Variants in CDC42SE2 observed in about 807,000 individuals in gnomAD.
CDC42SE2 encodes the protein CDC42 small effector 2, also known as CDC42 small effector protein 2.
CDC42SE2 carries 3 observed loss-of-function variants against 11.5 expected under a neutral mutation model. The observed-to-expected ratio is 0.26, with a 90% CI of 0.12 to 0.67. The LOEUF is 0.67. CDC42SE2 is among the 30% of genes least tolerant of loss of function. The pLI, the probability that CDC42SE2 is intolerant of heterozygous loss-of-function variation, is 0.80. For synonymous variants in CDC42SE2, 33 were observed against 34.8 expected, an observed-to-expected ratio of 0.95 and a Z score of 0.18; for missense variants, 82 against 106.8, an observed-to-expected ratio of 0.77 and a Z score of 1.02.
upstream of CDC42SE2, chr5:131,263,696 G>C (rs1756782193): frequency 7.6e-6 from 1 of 131,168 alleles, no homozygotes; most frequent in Non-Finnish European, 1.6e-5. Flanking sequence ...TCCTCCGCAC[G>C]GATGTCCGCG....
chr5:131,259,359 A>G (rs1240327156), upstream of CDC42SE2, among the ~76,000 whole-genome samples: 5 of 152,232 alleles, frequency 3.3e-5, no homozygotes, highest in Admixed American at 3.3e-4. Flanking sequence ...TATGCCTGTT[A>G]TATCTTTAGG....
rs190535183 is a variant in CDC42SE2 at position 131,282,636 on chromosome 5, T to A, written c.-455+18470T>A. ...CACATAAAAAATCACCTTTTTAAAA[T>A]TATTATTATTGAGATGGAATCTTGC... On this transcript the variant is annotated intron_variant, in intron 1 of 4. Coordinates refer to ENST00000505065, the MANE Select transcript of CDC42SE2 (RefSeq NM_001375635.1). Among the ~76,000 whole-genome samples the A allele has an allele frequency of 9.2e-5, 14 of 152,186 alleles. No individual in the cohort carries two copies. In the East Asian group the frequency reaches 2.7e-3, roughly 29 times the overall value.
intron 3 of CDC42SE2, among the ~76,000 whole-genome samples, chr5:131,379,430 G>A (rs1750255675): frequency 1.3e-5 from 2 of 152,190 alleles, no homozygotes; most frequent in South Asian, 2.1e-4. Context: ...TTTTCTAGAA[G>A]CTACAGTTGA....
intron 2 of CDC42SE2, among the ~76,000 whole-genome samples, chr5:131,347,797 T>TACCACG (rs1328995758): frequency 2.6e-5 from 4 of 152,216 alleles, no homozygotes; most frequent in Admixed American, 6.5e-5. Context: ...AAAGCTTATG[T>TACCACG]ACCACGATCA....
At chr5:131,358,515 C>G (rs1248569065) in intron 2 of CDC42SE2, among the ~76,000 whole-genome samples, 1 of 152,178 alleles carries the variant, frequency 6.6e-6, no homozygotes, top group Non-Finnish European at 1.5e-5. Context: ...AGGTTTAACT[C>G]TTTGTCCAAC....
At chr5:131,339,325 A>G (rs1758653740) in intron 2 of CDC42SE2, among the ~76,000 whole-genome samples, 1 of 150,450 alleles carries the variant, frequency 6.6e-6, no homozygotes, top group Admixed American at 6.6e-5. Flanking sequence ...AACAGTTTCT[A>G]TGGTAAGATA....
At chr5:131,335,077 C>A (rs946329161) in intron 2 of CDC42SE2, among the ~76,000 whole-genome samples, 5 of 151,880 alleles carry the variant, frequency 3.3e-5, no homozygotes, top group African/African-American at 9.7e-5. Flanking sequence ...AATTTTAGAT[C>A]TTTCCTGCTT....
At position 131,393,217 on chromosome 5, in the gene CDC42SE2, T is replaced by TA. The variant is rs1750719386; in HGVS notation, c.*2126_*2127insA. ...CTTGGAATAAAGGAACAGGGATCAC[T>TA]TTATCTTCTGCCTTCATTTACCTTA... On this transcript the variant is annotated 3_prime_UTR_variant, in exon 5 of 5. Coordinates refer to ENST00000505065, the MANE Select transcript of CDC42SE2 (RefSeq NM_001375635.1). 1 of 152,376 alleles carries TA rather than the reference T, an allele frequency of 6.6e-6. No homozygotes were observed. The highest frequency in any genetic ancestry group is 2.1e-4 in the South Asian group (1 of 4,834). 9.4% of individuals were successfully genotyped at this position (152,376 alleles called of 1,614,324 possible).
At chr5:131,260,076 T>C (rs1028162573), upstream of CDC42SE2, among the ~76,000 whole-genome samples, 1 of 152,256 alleles carries the variant, frequency 6.6e-6, no homozygotes, top group East Asian at 1.9e-4. Flanking sequence ...CAGCACAGCC[T>C]GTTCCAAGGC....
intron 2 of CDC42SE2, among the ~76,000 whole-genome samples, chr5:131,316,670 T>C (rs1002564735): frequency 6.6e-6 from 1 of 152,192 alleles, no homozygotes; most frequent in African/African-American, 2.4e-5. Context: ...GTAGATGTGA[T>C]GTGTGGAAGT....
intron 1 of CDC42SE2, among the ~76,000 whole-genome samples, chr5:131,292,906 CAAAAAAAAAAAAAA>C (rs869300653): frequency 1.7e-5 from 1 of 58,914 alleles, no homozygotes; most frequent in Non-Finnish European, 2.7e-5. Context: ...GACCCTGTCT[CAAAAAAAAAAAAAA>C]AAAAAAAAAA....
chr5:131,392,526 A>T lies in CDC42SE2; in HGVS notation c.*1435A>T, dbSNP rs996281749. 1 of 152,076 alleles carries T rather than the reference A, an allele frequency of 6.6e-6. No homozygotes were observed. The highest frequency in any genetic ancestry group is 2.4e-5 in the African/African-American group (1 of 41,406). The allele number at this position is 152,076 out of a possible 1,614,324, so 9.4% of individuals were successfully genotyped here. On this transcript the variant is annotated 3_prime_UTR_variant, in exon 5 of 5. Transcript: ENST00000505065. ...GAAGTATGACCTTTTGGTCTGTTTGATTGATTGATTAGAATTGCAATAAAA... is the reference window on the plus strand; with the variant it reads ...GAAGTATGACCTTTTGGTCTGTTTGTTTGATTGATTAGAATTGCAATAAAA...
the CDC42SE2 span, among the ~76,000 whole-genome samples, chr5:131,216,361 G>A: frequency 6.6e-6 from 1 of 152,018 alleles, no homozygotes; most frequent in South Asian, 2.1e-4. Flanking sequence ...TATTAGCCGG[G>A]CATGGTGGTG....
chr5:131,210,658 AC>A, the CDC42SE2 span, among the ~76,000 whole-genome samples: 1 of 151,894 alleles, frequency 6.6e-6, no homozygotes, highest in Non-Finnish European at 1.5e-5. Context: ...TGGCTAATCC[AC>A]CTTTTCTTTA....
chr5:131,269,646 C>T (rs1356774058), intron 1 of CDC42SE2, among the ~76,000 whole-genome samples: 1 of 152,124 alleles, frequency 6.6e-6, no homozygotes, highest in Non-Finnish European at 1.5e-5. Context: ...TGCCTGTAAT[C>T]CCAGCTACTT....
At chr5:131,308,205 C>G (rs998708084) in intron 1 of CDC42SE2, among the ~76,000 whole-genome samples, 1 of 152,104 alleles carries the variant, frequency 6.6e-6, no homozygotes, top group Non-Finnish European at 1.5e-5. Flanking sequence ...ATAGGGAATC[C>G]TTTCCCCATT....
intron 1 of CDC42SE2, among the ~76,000 whole-genome samples, chr5:131,280,199 T>C (rs756799674): frequency 5.9e-5 from 9 of 152,230 alleles, no homozygotes; most frequent in Non-Finnish European, 1.3e-4. Flanking sequence ...TTTCTTACCC[T>C]TTAACTGAAA....
chr5:131,342,388 C>CTTTTTTTTTTTTTTTTTTT lies in CDC42SE2; in HGVS notation c.-285-16820_-285-16802dup, dbSNP rs35818778. 2.6e-4 allele frequency among the ~76,000 whole-genome samples: 29 copies of CTTTTTTTTTTTTTTTTTTT among 111,304 alleles called. 6 individuals carry two copies. The highest frequency in any genetic ancestry group is 1.2e-3 in the African/African-American group (27 of 22,568). 73.0% of individuals were successfully genotyped at this position (111,304 alleles called of 152,430 possible). ...TCAGAGATTTGCCATTTTTAATAGT[C>CTTTTTTTTTTTTTTTTTTT]TTTTTTTTTTTTTTTTTTTAAGATA... On this transcript the variant is annotated intron_variant, in intron 2 of 4. Coordinates refer to ENST00000505065, the MANE Select transcript of CDC42SE2 (RefSeq NM_001375635.1).
chr5:131,311,662 G>A (rs376277826), intron 1 of CDC42SE2, among the ~76,000 whole-genome samples: 5 of 151,882 alleles, frequency 3.3e-5, no homozygotes, highest in Admixed American at 6.6e-5. Context: ...TTTTTTCTCT[G>A]AACTTCCCTT....
Sources: allele counts gnomAD v4.1 joint callset (sites outside exome capture counted in the v4.1 genomes callset), GRCh38; gene constraint gnomAD v4.1.1; transcripts MANE v1.5; gene names NCBI Gene and HGNC (gene_info 2026-07-23, HGNC 2026-07-21).